NELL2: variants seen among roughly 807,000 people sequenced by gnomAD.
The protein encoded by NELL2 is protein kinase C-binding protein NELL2.
A neutral mutation model predicts 109.6 loss-of-function variants in NELL2; 41 were observed. The observed-to-expected ratio is 0.37, with a 90% confidence interval of 0.29 to 0.49. The LOEUF is 0.49. Ranked by LOEUF, NELL2 falls within the 20% of genes least tolerant of loss-of-function variation. NELL2 has a pLI of 0.98. For synonymous variants in NELL2, 355 were observed against 344.7 expected (o/e 1.03, Z -0.33); for missense variants, 900 against 1,008.3 (o/e 0.89, Z 1.45).
intron 10 of NELL2, among the ~76,000 whole-genome samples, chr12:44,713,122 T>C (rs1938296366): frequency 6.6e-6 from 1 of 151,368 alleles, no homozygotes; most frequent in Admixed American, 6.6e-5. Flanking sequence ...TACCAGTACA[T>C]TTCTAAACCA....
intron 9 of NELL2, among the ~76,000 whole-genome samples, chr12:44,744,267 A>C (rs963432550): frequency 6.6e-6 from 1 of 152,218 alleles, no homozygotes; most frequent in Admixed American, 6.5e-5. Flanking sequence ...ACAAAGACAC[A>C]ACATACCAGA....
At chr12:44,774,722 T>A (rs1279710492) in intron 9 of NELL2, 25 bp downstream of exon 9, 7 of 1,564,328 alleles carry the variant, frequency 4.5e-6, no homozygotes, top group Non-Finnish European at 6.2e-6. Flanking sequence ...CCAAAGAAAG[T>A]ATTCATCATA....
At chr12:44,667,238 C>CA (rs924086532) in intron 12 of NELL2, among the ~76,000 whole-genome samples, 1 of 151,942 alleles carries the variant, frequency 6.6e-6, no homozygotes, top group African/African-American at 2.4e-5. Context: ...AAAACAAAAA[C>CA]AAAAAAACAC....
At chr12:44,591,969 A>G (rs1944769260) in intron 15 of NELL2, among the ~76,000 whole-genome samples, 1 of 152,228 alleles carries the variant, frequency 6.6e-6, no homozygotes, top group Non-Finnish European at 1.5e-5. Context: ...GATAAAATTG[A>G]TACAAACATG....
chr12:44,916,592 T>G (rs1945830765), upstream of NELL2, among the ~76,000 whole-genome samples: 1 of 152,154 alleles, frequency 6.6e-6, no homozygotes, highest in Admixed American at 6.5e-5. Context: ...CACACCTTCC[T>G]TGCACTCCTC....
chr12:44,579,878 C>G (rs1385183983), intron 15 of NELL2, among the ~76,000 whole-genome samples: 2 of 152,174 alleles, frequency 1.3e-5, no homozygotes, highest in African/African-American at 4.8e-5. Context: ...ATCTGTCATA[C>G]ATATTTCAAT....
upstream of NELL2, chr12:44,876,399 G>T (rs538229468): frequency 7.9e-7 from 1 of 1,268,980 alleles, no homozygotes; most frequent in African/African-American, 1.5e-5. Flanking sequence ...AAGGAGGAGG[G>T]AGGGGCCGCC....
At position 44,741,489 on chromosome 12, in the gene NELL2, C is replaced by T. The variant is rs552824213; in HGVS notation, c.995-26748G>A. Among the ~76,000 whole-genome samples, 18 of 152,274 alleles carry T rather than the reference C, an allele frequency of 1.2e-4. No homozygotes were observed. The South Asian group carries it at 3.7e-3, about 32-fold the overall frequency. On this transcript the variant is annotated intron_variant, in intron 9 of 19. Transcript: ENST00000429094. ...GTGGGTGCAGTGCACCGGGCGTGAGCCAAAGCAGGGCGAGGCATCGCCTCA... is the reference window on the plus strand; with the variant it reads ...GTGGGTGCAGTGCACCGGGCGTGAGTCAAAGCAGGGCGAGGCATCGCCTCA...
intron 15 of NELL2, among the ~76,000 whole-genome samples, chr12:44,580,431 T>C (rs1944279551): frequency 6.6e-6 from 1 of 152,062 alleles, no homozygotes; most frequent in African/African-American, 2.4e-5. Flanking sequence ...ACAGATGTCA[T>C]TCCAGCTGGG....
At chr12:44,632,642 T>A (rs1946495954) in intron 13 of NELL2, among the ~76,000 whole-genome samples, 1 of 151,914 alleles carries the variant, frequency 6.6e-6, no homozygotes, top group Admixed American at 6.6e-5. Context: ...CCAAAAAAAA[T>A]CAGATTAATT....
chr12:44,548,499 C>T (rs761998751), intron 15 of NELL2, among the ~76,000 whole-genome samples: 2 of 150,796 alleles, frequency 1.3e-5, no homozygotes, highest in African/African-American at 2.4e-5. Context: ...GAGCTGACAT[C>T]GCACCACTGC....
At chr12:44,748,171 T>C (rs1940482211) in intron 9 of NELL2, among the ~76,000 whole-genome samples, 2 of 152,140 alleles carry the variant, frequency 1.3e-5, no homozygotes, top group African/African-American at 4.8e-5. Context: ...AAACTTCAAA[T>C]TGATGTGCTC....
Position 44,642,656 on chromosome 12 carries a change from C to T in NELL2, c.1444+22828G>A, listed in dbSNP as rs1047137170. On this transcript the variant is annotated intron_variant, in intron 13 of 19. Coordinates refer to ENST00000429094, the MANE Select transcript of NELL2 (RefSeq NM_001145108.2). ...CAGCACTCTGGGATGCTGAGGCGGG[C>T]GGATCACCTAAGGTCAGGAGTTCAA... is the stretch of plus-strand genomic sequence containing the variant. 1.1e-4 allele frequency among the ~76,000 whole-genome samples: 17 copies of T among 152,070 alleles called. 1 individual carries two copies. The highest frequency in any genetic ancestry group is 4.2e-4 in the South Asian group (2 of 4,814).
At chr12:44,860,665 C>T (rs1944812970) in intron 2 of NELL2, among the ~76,000 whole-genome samples, 1 of 151,496 alleles carries the variant, frequency 6.6e-6, no homozygotes, top group Admixed American at 6.6e-5. Flanking sequence ...TTAAAAGGCC[C>T]CTTGTGATTA....
Position 44,875,982 on chromosome 12 carries a change from G to A in NELL2, c.-113C>T. On this transcript the variant is annotated 5_prime_UTR_variant, in exon 1 of 20. Transcript: ENST00000429094. ...GTTTGTCTCTCCTGCTGCTGCCTCG[G>A]ATTTACTGATCAGTAGGATTAATAC... is the stretch of plus-strand genomic sequence containing the variant. 1.3e-6 allele frequency: 2 copies of A among 1,566,990 alleles called. No individual in the cohort carries two copies. The highest frequency in any genetic ancestry group is 2.3e-5 in the South Asian group (2 of 87,384).
At chr12:44,700,178 C>T (rs605722) in intron 12 of NELL2, among the ~76,000 whole-genome samples, 1 of 151,906 alleles carries the variant, frequency 6.6e-6, no homozygotes, top group Non-Finnish European at 1.5e-5. Flanking sequence ...TCTACTACCA[C>T]CAATTAATCA....
intron 2 of NELL2, among the ~76,000 whole-genome samples, chr12:44,843,799 A>T (rs1944295339): frequency 1.3e-5 from 2 of 152,124 alleles, no homozygotes; most frequent in African/African-American, 4.8e-5. Flanking sequence ...AGACAGGCAG[A>T]TTGCTTATGC....
intron 5 of NELL2, 45 bp from the exon 6 acceptor site, chr12:44,777,359 C>T: frequency 6.7e-7 from 1 of 1,482,710 alleles, no homozygotes; most frequent in Non-Finnish European, 9.4e-7. Flanking sequence ...CTTTCATTTA[C>T]CCAAATTATG....
At position 44,786,058 on chromosome 12, in the gene NELL2, C is replaced by T. The variant is rs916547785; in HGVS notation, c.336-6036G>A. Among the ~76,000 whole-genome samples, 14 of 152,146 alleles carry T rather than the reference C, an allele frequency of 9.2e-5. 1 individual carries two copies. The highest frequency in any genetic ancestry group is 2.9e-5 in the Non-Finnish European group (2 of 68,028). ...CTAATTAAACTAAAGACCTTCTGCA[C>T]AGCCAAAGAAACTATCATCAGAGTG... On this transcript the variant is annotated intron_variant, in intron 3 of 19. Transcript: ENST00000429094.
Sources: allele counts gnomAD v4.1 joint callset (sites outside exome capture counted in the v4.1 genomes callset), GRCh38; gene constraint gnomAD v4.1.1; transcripts MANE v1.5; gene names NCBI Gene and HGNC (gene_info 2026-07-23, HGNC 2026-07-21).